The following ASCC1 variants were observed in gnomAD, a reference collection of about 807,000 sequenced individuals.
ASCC1 encodes the protein ASC-1 complex subunit P50.
ASCC1 carries 35 observed loss-of-function variants against 46.6 expected under a neutral mutation model. The observed-to-expected ratio is 0.75, with a 90% CI of 0.57 to 0.99. ASCC1 has a LOEUF of 0.99. Among genes scored for constraint, ASCC1 ranks in the 50% least tolerant of loss-of-function variants. ASCC1 has a pLI of 0.00. For synonymous variants in ASCC1, 143 were observed against 146.6 expected (o/e 0.98, Z 0.18); for missense variants, 376 against 428.7 (o/e 0.88, Z 1.09).
intron 5 of ASCC1, chr10:72,190,053 G>A (rs1854177180): frequency 2.6e-6 from 2 of 758,772 alleles, no homozygotes; most frequent in African/African-American, 1.7e-5. Flanking sequence ...GCCCTCCACA[G>A]TGCTCCCCAC....
chr10:72,112,751 C>T (rs377319269), intron 9 of ASCC1, among the ~76,000 whole-genome samples: 31 of 151,896 alleles, frequency 2.0e-4, no homozygotes, highest in East Asian at 1.5e-3. Context: ...TGGTGGCACA[C>T]GCCTGTAATC....
intron 8 of ASCC1, 40 bp from the exon 9 acceptor site, chr10:72,128,207 A>G (rs758483450): frequency 1.3e-6 from 2 of 1,564,780 alleles, no homozygotes; most frequent in Non-Finnish European, 1.8e-6. Context: ...GCTTAGATTG[A>G]TTGGTTGTTT....
chr10:72,189,997 G>C, intron 5 of ASCC1: 1 of 757,666 alleles, frequency 1.3e-6, no homozygotes, highest in African/African-American at 1.7e-5. Context: ...CTGATGTCAT[G>C]TGCTTTCTTC....
chr10:72,158,905 GCAAGAAAAAATTCGATGATC>G (rs1247130324), intron 6 of ASCC1: 1 of 152,094 alleles, frequency 6.6e-6, no homozygotes, highest in Non-Finnish European at 1.5e-5. Context: ...AGGTCAAAGA[GCAAGAAAAAATTCGATGATC>G]CAATTTACTG....
chr10:72,158,816 C>G (rs1360317062), intron 6 of ASCC1: 1 of 152,078 alleles, frequency 6.6e-6, no homozygotes, highest in Non-Finnish European at 1.5e-5. Flanking sequence ...AATTTGGGAC[C>G]ACTACACCAT....
intron 9 of ASCC1, among the ~76,000 whole-genome samples, chr10:72,100,551 T>C (rs1332536514): frequency 6.6e-6 from 1 of 152,092 alleles, no homozygotes; most frequent in Non-Finnish European, 1.5e-5. Context: ...TCTTTGTTTT[T>C]TTCCTTTTTA....
intron 5 of ASCC1, among the ~76,000 whole-genome samples, chr10:72,194,556 T>C (rs1435825589): frequency 1.3e-5 from 2 of 151,840 alleles, no homozygotes; most frequent in African/African-American, 4.8e-5. Flanking sequence ...AAAAACAGTA[T>C]ATGTAAAATA....
intron 5 of ASCC1, among the ~76,000 whole-genome samples, chr10:72,194,747 T>C (rs947134971): frequency 6.6e-6 from 1 of 152,132 alleles, no homozygotes; most frequent in Non-Finnish European, 1.5e-5. Flanking sequence ...TGTTTTTGTT[T>C]GTTTTTTGTT....
chr10:72,204,681 A>T (rs1856954153), intron 3 of ASCC1, among the ~76,000 whole-genome samples: 1 of 152,212 alleles, frequency 6.6e-6, no homozygotes, highest in Non-Finnish European at 1.5e-5. Flanking sequence ...TTTGCGTGGG[A>T]TAAGAAAGCC....
rs146022671 is a variant in ASCC1 at position 72,183,371 on chromosome 10, C to T, written c.489+13440G>A. 7.8e-3 allele frequency among the ~76,000 whole-genome samples: 1,181 copies of T among 152,150 alleles called. 11 individuals carry two copies. Among genetic ancestry groups the T allele is most frequent in the African/African-American group, 0.027 (1,117 of 41,522 alleles). ...AACAAATTTCTTATTAGAAACTATA[C>T]CTGGCCAGGTATAGTGGTTCACACC... On this transcript the variant is annotated intron_variant, in intron 5 of 9. Coordinates refer to ENST00000672957, the MANE Select transcript of ASCC1 (RefSeq NM_001198800.3).
intron 5 of ASCC1, among the ~76,000 whole-genome samples, chr10:72,187,612 C>A (rs932958231): frequency 5.4e-5 from 8 of 148,998 alleles, no homozygotes; most frequent in Non-Finnish European, 4.4e-5. Context: ...CCCAGCTACT[C>A]GGGAAGCTGA....
intron 5 of ASCC1, chr10:72,190,544 C>A: frequency 1.4e-6 from 2 of 1,480,616 alleles, no homozygotes; most frequent in Non-Finnish European, 1.9e-6. Flanking sequence ...TTGGAGAAGG[C>A]GCAATACTCT....
At chr10:72,181,676 T>A (rs977554311) in intron 5 of ASCC1, among the ~76,000 whole-genome samples, 1 of 151,954 alleles carries the variant, frequency 6.6e-6, no homozygotes, top group Admixed American at 6.6e-5. Context: ...CAGTAACTTG[T>A]GCACCAATAT....
At chr10:72,103,896 T>C (rs2131926892) in intron 9 of ASCC1, among the ~76,000 whole-genome samples, 1 of 152,270 alleles carries the variant, frequency 6.6e-6, no homozygotes, top group East Asian at 1.9e-4. Flanking sequence ...CAAACCTACT[T>C]ACAAAACCTT....
intron 5 of ASCC1, among the ~76,000 whole-genome samples, chr10:72,194,787 G>A (rs1855113173): frequency 6.6e-6 from 1 of 152,152 alleles, no homozygotes; most frequent in Non-Finnish European, 1.5e-5. Flanking sequence ...TTGTTGCCCA[G>A]GCTGGAGGGC....
intron 5 of ASCC1, among the ~76,000 whole-genome samples, chr10:72,182,827 A>AAAG (rs1554837156): frequency 8.7e-5 from 13 of 148,850 alleles, no homozygotes; most frequent in East Asian, 2.0e-4. Context: ...AAAAAAAAAA[A>AAAG]AGAGAGAGAG....
At chr10:72,195,108 G>A (rs1855165106) in intron 5 of ASCC1, among the ~76,000 whole-genome samples, 2 of 146,382 alleles carry the variant, frequency 1.4e-5, no homozygotes, top group African/African-American at 5.1e-5. Context: ...AGGTTTTGTG[G>A]GTTTTTTAGG....
rs1291034826 is a variant in ASCC1 at position 72,131,605 on chromosome 10, TAA to T, written c.871+1450_871+1451del. Among the ~76,000 whole-genome samples the T allele has an allele frequency of 2.6e-5, 4 of 152,276 alleles. No individual in the cohort carries two copies. In the East Asian group the frequency reaches 7.7e-4, roughly 29 times the overall value. On this transcript the variant is annotated intron_variant, in intron 8 of 9. Coordinates refer to ENST00000672957, the MANE Select transcript of ASCC1 (RefSeq NM_001198800.3). Reference sequence around the variant, plus strand: ...CAAAAGTAAAATAGAGATTTATTTATAAGTCTTAAATAAAATTCAATATGGCA... The same window carrying T: ...CAAAAGTAAAATAGAGATTTATTTATGTCTTAAATAAAATTCAATATGGCA...
chr10:72,200,542 G>C (rs967485938), intron 4 of ASCC1, among the ~76,000 whole-genome samples: 2 of 151,898 alleles, frequency 1.3e-5, no homozygotes, highest in African/African-American at 4.8e-5. Flanking sequence ...CAACTACTTG[G>C]TAGGCTGAGG....
Sources: allele counts gnomAD v4.1 joint callset (sites outside exome capture counted in the v4.1 genomes callset), GRCh38; gene constraint gnomAD v4.1.1; transcripts MANE v1.5; gene names NCBI Gene and HGNC (gene_info 2026-07-23, HGNC 2026-07-21).